DENND2A: variants seen among roughly 807,000 people sequenced by gnomAD.
DENND2A encodes DENN domain containing 2A.
A neutral mutation model predicts 105.3 loss-of-function variants in DENND2A; 53 were observed. That is an observed-to-expected ratio of 0.50 (90% CI 0.40 to 0.63). DENND2A has a LOEUF of 0.63. DENND2A is among the 30% of genes least tolerant of loss of function. DENND2A has a pLI of 0.00. For missense variants in DENND2A, 1,138 were observed against 1,279.6 expected, an observed-to-expected ratio of 0.89 and a Z score of 1.69; for synonymous variants, 522 against 508.4, an observed-to-expected ratio of 1.03 and a Z score of -0.36.
Position 140,520,331 on chromosome 7 carries a change from G to A in DENND2A, c.2912-613C>T, listed in dbSNP as rs572977658. On this transcript the variant is annotated intron_variant, in intron 18 of 19. Transcript: ENST00000496613. ...CAAAAAAAAAAAAAAAAGTTGAACC[G>A]GACTGTCCTGGCTTGGGAGGGGTGT... 4.0e-5 allele frequency among the ~76,000 whole-genome samples: 6 copies of A among 151,524 alleles called. No homozygotes were observed. The East Asian group carries it at 5.8e-4, about 15-fold the overall frequency.
intron 11 of DENND2A, among the ~76,000 whole-genome samples, chr7:140,557,328 T>A (rs1363707443): frequency 6.6e-6 from 1 of 150,786 alleles, no homozygotes; most frequent in Non-Finnish European, 1.5e-5. Flanking sequence ...TCACCTGAGC[T>A]GGGGAGGTCG....
In DENND2A at chr7:140,522,077, C is replaced by T. The variant is rs780892963; in HGVS notation, c.2689G>A (p.Glu897Lys). The T allele has an allele frequency of 9.3e-6, 15 of 1,614,124 alleles. No individual in the cohort carries two copies. The highest frequency in any genetic ancestry group is 2.2e-5 in the East Asian group (1 of 44,876). ...CGGACAAAGGCTTCAGACACCACCTCGTTCAAGGGGCTGGACTCTGGACCT... is the reference window on the plus strand; with the variant it reads ...CGGACAAAGGCTTCAGACACCACCTTGTTCAAGGGGCTGGACTCTGGACCT... ...RHGPESSPLN[E>K]VVSEAFVRFF... The change falls in exon 18 of 20, where the codon GAG becomes AAG. Residue 897 changes from glutamate (E) to lysine (K), a missense_variant. By Grantham distance (56) the Glu-to-Lys change is moderately conservative. This residue lies in a region of DENND2A where 627 missense variants were observed against 779.8 expected (regional missense o/e 0.80). Coordinates refer to ENST00000496613, the MANE Select transcript of DENND2A (RefSeq NM_015689.5).
intron 1 of DENND2A, among the ~76,000 whole-genome samples, chr7:140,614,805 C>T (rs959489938): frequency 6.6e-6 from 1 of 152,206 alleles, no homozygotes; most frequent in Non-Finnish European, 1.5e-5. Context: ...CTATGTCTAA[C>T]TACATAGTGC....
intron 12 of DENND2A, among the ~76,000 whole-genome samples, chr7:140,552,151 A>G (rs1034597295): frequency 2.0e-5 from 3 of 152,180 alleles, no homozygotes; most frequent in African/African-American, 7.2e-5. Flanking sequence ...AACAAATCAC[A>G]TGAAAGCCTG....
chr7:140,631,129 T>C (rs1800719428), intron 1 of DENND2A, among the ~76,000 whole-genome samples: 1 of 152,154 alleles, frequency 6.6e-6, no homozygotes, highest in African/African-American at 2.4e-5. Context: ...GTCAAGTGCA[T>C]TAGTGAGATC....
At position 140,528,159 on chromosome 7, in the gene DENND2A, T is replaced by C. The variant is rs540373121; in HGVS notation, c.2328-664A>G. The stretch of plus-strand genomic sequence containing the variant: ...CCTGGACTCTTGTAAGGTTTTAATT[T>C]ATATTCATTTCCACCCTTACTCCCT... On this transcript the variant is annotated intron_variant, in intron 14 of 19. Coordinates refer to ENST00000496613, the MANE Select transcript of DENND2A (RefSeq NM_015689.5). 4.6e-5 allele frequency among the ~76,000 whole-genome samples: 7 copies of C among 152,128 alleles called. No homozygotes were observed. In the East Asian group the frequency reaches 7.7e-4, roughly 17 times the overall value.
intron 12 of DENND2A, among the ~76,000 whole-genome samples, chr7:140,550,569 T>G (rs1242280789): frequency 6.6e-6 from 1 of 152,140 alleles, no homozygotes; most frequent in African/African-American, 2.4e-5. Context: ...GATCTGCCCC[T>G]CTTAGTCTCC....
chr7:140,565,416 T>C (rs1342306308), intron 9 of DENND2A, among the ~76,000 whole-genome samples: 5 of 152,126 alleles, frequency 3.3e-5, no homozygotes, highest in Non-Finnish European at 7.4e-5. Context: ...TGTTTATCAC[T>C]GTAATCCCCT....
In DENND2A at chr7:140,518,885, G is replaced by A. The variant is rs751800699; in HGVS notation, c.2999-147C>T. The A allele has an allele frequency of 1.0e-5, 7 of 679,458 alleles. No individual in the cohort carries two copies. In the East Asian group the frequency reaches 1.1e-4, roughly 11 times the overall value. 42.1% of individuals were successfully genotyped at this position (679,458 alleles called of 1,614,324 possible). The stretch of plus-strand genomic sequence containing the variant: ...ATCCCTTGCTCTGGAGAAGCCAAAG[G>A]GGCTTTGTTCTTTCCAGAGATCCCC... On this transcript the variant is annotated intron_variant, in intron 19 of 19. Coordinates refer to ENST00000496613, the MANE Select transcript of DENND2A (RefSeq NM_015689.5).
intron 1 of DENND2A, among the ~76,000 whole-genome samples, chr7:140,620,018 C>T (rs937473455): frequency 2.2e-4 from 34 of 151,368 alleles, no homozygotes; most frequent in African/African-American, 7.8e-4. Context: ...CATAGTGAAA[C>T]CCCGTCTCTA....
intron 14 of DENND2A, among the ~76,000 whole-genome samples, chr7:140,539,420 C>T (rs1260874623): frequency 6.6e-6 from 1 of 152,166 alleles, no homozygotes; most frequent in Non-Finnish European, 1.5e-5. Flanking sequence ...GCACAGACTT[C>T]CCCATGACCT....
chr7:140,529,940 T>TAATAA (rs1796199885), intron 14 of DENND2A, among the ~76,000 whole-genome samples: 1 of 151,302 alleles, frequency 6.6e-6, no homozygotes, highest in Admixed American at 6.6e-5. Context: ...CTTAAAAGTA[T>TAATAA]AATAAAACAA....
At chr7:140,565,342 G>A (rs1419803080) in intron 9 of DENND2A, among the ~76,000 whole-genome samples, 1 of 151,854 alleles carries the variant, frequency 6.6e-6, no homozygotes, top group Admixed American at 6.6e-5. Context: ...TGGGGGTGGG[G>A]GGAGATGGTT....
At chr7:140,520,131 C>A (rs555461610) in intron 18 of DENND2A, among the ~76,000 whole-genome samples, 3 of 151,964 alleles carry the variant, frequency 2.0e-5, no homozygotes, top group African/African-American at 7.3e-5. Context: ...TGGTGAAACC[C>A]TCTTTCTACT....
At chr7:140,641,377 G>GAC (rs1376105081), upstream of DENND2A, 1 of 152,656 alleles carries the variant, frequency 6.6e-6, no homozygotes, top group African/African-American at 2.4e-5. Flanking sequence ...GAGGAGAAGT[G>GAC]ACTTCATAGA....
intron 1 of DENND2A, among the ~76,000 whole-genome samples, chr7:140,606,948 G>A (rs1297582990): frequency 6.6e-6 from 1 of 152,196 alleles, no homozygotes; most frequent in Non-Finnish European, 1.5e-5. Context: ...CATGGCTCAG[G>A]TGAAGGTGCT....
At position 140,596,336 on chromosome 7, in the gene DENND2A, TAATC is replaced by T. The variant is rs1799281145; in HGVS notation, c.995+5063_995+5066del. ...GTAGCTTTTGCTCTAAACATCAACT[TAATC>T]AAACAATGCGCTCCTTTGAAGACTT... On this transcript the variant is annotated intron_variant, in intron 3 of 19. Transcript: ENST00000496613. 3.9e-5 allele frequency among the ~76,000 whole-genome samples: 6 copies of T among 152,218 alleles called. No individual in the cohort carries two copies. The South Asian group carries it at 1.2e-3, about 32-fold the overall frequency.
chr7:140,519,923 A>G (rs572938870), intron 18 of DENND2A, among the ~76,000 whole-genome samples: 2 of 152,314 alleles, frequency 1.3e-5, no homozygotes, highest in Non-Finnish European at 2.9e-5. Flanking sequence ...TTGGAAAGCT[A>G]TAAAGCCACC....
rs951152610 is a variant in DENND2A, at chr7:140,518,492, C to T, written c.*215G>A. 2 of 466,952 alleles carry T rather than the reference C, an allele frequency of 4.3e-6. No homozygotes were observed. The highest frequency in any genetic ancestry group is 3.8e-6 in the Non-Finnish European group (1 of 262,014). The allele number at this position is 466,952 out of a possible 1,614,324, so 28.9% of individuals were successfully genotyped here. On this transcript the variant is annotated 3_prime_UTR_variant, in exon 20 of 20. Coordinates refer to ENST00000496613, the MANE Select transcript of DENND2A (RefSeq NM_015689.5). ...CCAAAACAACCCATTTGCATGTCGG[C>T]GACACGCCTGGTCTCGGGCTCCCTT... is the stretch of plus-strand genomic sequence containing the variant.
Sources: allele counts gnomAD v4.1 joint callset (sites outside exome capture counted in the v4.1 genomes callset), GRCh38; gene constraint gnomAD v4.1.1; regional missense constraint gnomAD v4.1.1; transcripts MANE v1.5; gene names NCBI Gene and HGNC (gene_info 2026-07-23, HGNC 2026-07-21).